NDST4: variants seen among roughly 807,000 people sequenced by gnomAD.
NDST4 encodes the protein N-heparan sulfate sulfotransferase 4.
Under a neutral mutation model 100.8 loss-of-function variants are expected in NDST4, and 63 were observed. That is an observed-to-expected ratio of 0.62 (90% CI 0.51 to 0.77). The LOEUF (loss-of-function observed/expected upper bound fraction) is 0.77. Ranked by LOEUF, NDST4 falls within the 30% of genes least tolerant of loss-of-function variation. NDST4 has a pLI of 0.00. For synonymous variants in NDST4, 377 were observed against 361.8 expected (o/e 1.04, Z -0.48); for missense variants, 943 against 1,018.4 (o/e 0.93, Z 1.01).
At chr4:114,956,392 A>C (rs1449721889) in intron 4 of NDST4, among the ~76,000 whole-genome samples, 1 of 152,312 alleles carries the variant, frequency 6.6e-6, no homozygotes. Flanking sequence ...CAAACAGTAG[A>C]GATTTTAACA....
intron 1 of NDST4, among the ~76,000 whole-genome samples, chr4:115,101,594 G>C (rs1471952222): frequency 1.3e-5 from 2 of 152,060 alleles, no homozygotes; most frequent in Admixed American, 6.6e-5. Flanking sequence ...CTATTTATGA[G>C]TCAAGAAATA....
intron 2 of NDST4, among the ~76,000 whole-genome samples, chr4:115,069,986 G>A (rs1389431155): frequency 6.6e-6 from 1 of 152,164 alleles, no homozygotes; most frequent in Non-Finnish European, 1.5e-5. Flanking sequence ...ATGTAAATTA[G>A]TCCAACCACT....
In NDST4 at chr4:114,832,584, C is replaced by G. The variant is rs114319763; in HGVS notation, c.2396+1022G>C. 3.3e-3 allele frequency among the ~76,000 whole-genome samples: 502 copies of G among 152,228 alleles called. 6 individuals are homozygous for G. The highest frequency in any genetic ancestry group is 0.012 in the African/African-American group (487 of 41,530). On this transcript the variant is annotated intron_variant, in intron 12 of 13. Coordinates refer to ENST00000264363, the MANE Select transcript of NDST4 (RefSeq NM_022569.3). Reference sequence around the variant, plus strand: ...ATATGGTTTTATTTTCCCAAGATGACAGCAATCATATCTCCCATCCCACAT... The same window carrying G: ...ATATGGTTTTATTTTCCCAAGATGAGAGCAATCATATCTCCCATCCCACAT...
intron 2 of NDST4, among the ~76,000 whole-genome samples, chr4:115,039,727 C>T (rs905623206): frequency 6.6e-6 from 1 of 151,828 alleles, no homozygotes; most frequent in African/African-American, 2.4e-5. Flanking sequence ...TCAACTTAGA[C>T]AAGAGTGTGT....
rs750336910 is a variant in NDST4, at chr4:115,001,446, CCT to C, written c.979-24174_979-24173del. On this transcript the variant is annotated intron_variant, in intron 2 of 13. Transcript: ENST00000264363. ...TAGACTATCAGAGCTTGTTCTGCCC[CCT>C]GTTAGGAGATTCATGGGTTTTTTTT... Among the ~76,000 whole-genome samples, 30 of 151,870 alleles carry C rather than the reference CCT, an allele frequency of 2.0e-4. No homozygotes were observed. In the East Asian group the frequency reaches 2.7e-3, roughly 14 times the overall value.
chr4:114,848,833 C>A (rs1391688832), intron 8 of NDST4, among the ~76,000 whole-genome samples: 1 of 152,284 alleles, frequency 6.6e-6, no homozygotes, highest in East Asian at 1.9e-4. Context: ...AACACATTTG[C>A]TGCCCTCAAT....
At chr4:114,909,980 T>A (rs986016984) in intron 6 of NDST4, among the ~76,000 whole-genome samples, 2 of 152,172 alleles carry the variant, frequency 1.3e-5, no homozygotes, top group Non-Finnish European at 2.9e-5. Context: ...TTGGCTATTG[T>A]AAGGGGATGG....
Position 114,908,741 on chromosome 4 carries a change from G to A in NDST4, c.1536+26465C>T, listed in dbSNP as rs565409828. Among the ~76,000 whole-genome samples the A allele has an allele frequency of 3.1e-3, 471 of 152,196 alleles. 3 individuals carry two copies. The highest frequency in any genetic ancestry group is 0.011 in the African/African-American group (461 of 41,536). On this transcript the variant is annotated intron_variant, in intron 6 of 13. Transcript: ENST00000264363. The stretch of plus-strand genomic sequence containing the variant: ...AACGTGTTAGCACACATATATACAC[G>A]TACACACGGGAGACTTTCAAAGCTT...
chr4:115,035,964 CTTT>C (rs1728224249), intron 2 of NDST4, among the ~76,000 whole-genome samples: 2 of 151,904 alleles, frequency 1.3e-5, no homozygotes, highest in Admixed American at 1.3e-4. Context: ...TTGAATTTAT[CTTT>C]TATCACTTCA....
At chr4:114,954,738 G>T (rs965390176) in intron 4 of NDST4, among the ~76,000 whole-genome samples, 2 of 152,126 alleles carry the variant, frequency 1.3e-5, no homozygotes, top group African/African-American at 4.8e-5. Flanking sequence ...ATTGCATGTT[G>T]AATTGTAATC....
rs199911418 is a variant in NDST4, at chr4:114,982,390, AT to A, written c.979-5117del. 3.4e-3 allele frequency among the ~76,000 whole-genome samples: 513 copies of A among 152,320 alleles called. 7 individuals carry two copies. Among genetic ancestry groups the A allele is most frequent in the Admixed American group, 0.027 (406 of 15,300 alleles). ...CTTATTGGAAACTAGAGCAAAGGTC[AT>A]TCTTGCTATATTTTAGCAAAGAGAC... On this transcript the variant is annotated intron_variant, in intron 2 of 13. Transcript: ENST00000264363.
intron 2 of NDST4, among the ~76,000 whole-genome samples, chr4:114,989,984 G>A (rs1357623233): frequency 1.3e-5 from 2 of 151,996 alleles, no homozygotes; most frequent in Non-Finnish European, 2.9e-5. Context: ...TGACTTCATC[G>A]GCATAAATCA....
chr4:114,888,913 T>C (rs778733290), intron 6 of NDST4, among the ~76,000 whole-genome samples: 2 of 152,166 alleles, frequency 1.3e-5, no homozygotes, highest in Non-Finnish European at 2.9e-5. Flanking sequence ...GTTTTGGGAA[T>C]CAGAACACTA....
At chr4:114,951,628 A>T (rs1159600779) in intron 4 of NDST4, among the ~76,000 whole-genome samples, 2 of 152,140 alleles carry the variant, frequency 1.3e-5, no homozygotes, top group Non-Finnish European at 2.9e-5. Flanking sequence ...TTGGGGTAGG[A>T]ACTACTGGCA....
intron 6 of NDST4, 37 bp downstream of exon 6, chr4:114,935,169 C>T (rs1725600101): frequency 1.4e-6 from 2 of 1,416,046 alleles, no homozygotes; most frequent in South Asian, 1.7e-5. Flanking sequence ...TTTAAAAATG[C>T]TAATCTTATT....
At chr4:115,092,212 A>C (rs1729533793) in intron 1 of NDST4, among the ~76,000 whole-genome samples, 1 of 152,088 alleles carries the variant, frequency 6.6e-6, no homozygotes, top group South Asian at 2.1e-4. Context: ...GATGTAGGTG[A>C]AGACCCCCAA....
chr4:114,841,187 C>T (rs557888755), intron 10 of NDST4, among the ~76,000 whole-genome samples: 2 of 152,184 alleles, frequency 1.3e-5, no homozygotes, highest in South Asian at 2.1e-4. Flanking sequence ...AGTAGATTAG[C>T]ATAAAAATAT....
At chr4:114,979,659 C>T (rs1726721497) in intron 2 of NDST4, among the ~76,000 whole-genome samples, 2 of 151,552 alleles carry the variant, frequency 1.3e-5, no homozygotes, top group South Asian at 2.1e-4. Flanking sequence ...GTTTTATAGC[C>T]TTGTGTCATA....
At chr4:115,011,650 C>T in intron 2 of NDST4, among the ~76,000 whole-genome samples, 1 of 151,910 alleles carries the variant, frequency 6.6e-6, no homozygotes, top group Non-Finnish European at 1.5e-5. Context: ...AAGATCTGTT[C>T]ATTCAGGAAT....
Sources: gnomAD v4.1 joint callset for allele counts (sites outside exome capture counted in the v4.1 genomes callset) on GRCh38, gnomAD v4.1.1 for gene constraint, MANE v1.5 for transcripts, NCBI Gene and HGNC (gene_info 2026-07-23, HGNC 2026-07-21) for gene names.